The following RGS7 variants were observed in gnomAD, a reference collection of about 807,000 sequenced individuals.
RGS7 encodes regulator of G protein signaling 7, also known as regulator of G-protein signaling 7.
A neutral mutation model predicts 81.1 loss-of-function variants in RGS7; 27 were observed. That is an observed-to-expected ratio of 0.33 (90% CI 0.25 to 0.46). RGS7 has a LOEUF of 0.46. RGS7 is among the 20% of genes least tolerant of loss of function. RGS7 has a pLI of 1.00. For synonymous variants in RGS7, 208 were observed against 207.7 expected (o/e 1.00, Z -0.01); for missense variants, 396 against 607.4 (o/e 0.65, Z 3.66).
chr1:240,899,154 C>T (rs1452888946), intron 6 of RGS7, among the ~76,000 whole-genome samples: 1 of 152,028 alleles, frequency 6.6e-6, no homozygotes, highest in Non-Finnish European at 1.5e-5. Context: ...TCCTCCATCC[C>T]TTTATTTTGA....
intron 2 of RGS7, among the ~76,000 whole-genome samples, chr1:241,152,151 A>C (rs1363328213): frequency 6.6e-6 from 1 of 152,138 alleles, no homozygotes; most frequent in East Asian, 1.9e-4. Flanking sequence ...AAAAAAAAAA[A>C]AAAAGATCTT....
intron 4 of RGS7, among the ~76,000 whole-genome samples, chr1:240,947,812 T>C (rs548896795): frequency 6.6e-6 from 1 of 152,356 alleles, no homozygotes; most frequent in Non-Finnish European, 1.5e-5. Flanking sequence ...TTCCTTGTCA[T>C]AGGCTTTACA....
chr1:241,098,211 G>A (rs968157453), intron 3 of RGS7, among the ~76,000 whole-genome samples: 3 of 152,240 alleles, frequency 2.0e-5, no homozygotes, highest in South Asian at 2.1e-4. Context: ...GGTCACTGTC[G>A]AGTTCGGTGA....
intron 2 of RGS7, among the ~76,000 whole-genome samples, chr1:241,272,339 T>C (rs1229429126): frequency 6.6e-6 from 1 of 152,092 alleles, no homozygotes; most frequent in East Asian, 1.9e-4. Flanking sequence ...TCACATATGA[T>C]CTCACTCCTG....
Position 240,815,838 on chromosome 1 carries a change from A to G in RGS7, c.783+479T>C, listed in dbSNP as rs1690712097. ...GTGTATAGCATGACTCCATGGCTGT[A>G]CGCCAGTGGTGATAAGAAAAAACTT... On this transcript the variant is annotated intron_variant, in intron 11 of 18. Coordinates refer to ENST00000440928, the MANE Select transcript of RGS7 (RefSeq NM_001364886.1). Among the ~76,000 whole-genome samples the G allele has an allele frequency of 3.9e-5, 6 of 152,234 alleles. No individual in the cohort carries two copies. The South Asian group carries it at 1.2e-3, about 31-fold the overall frequency.
intron 3 of RGS7, among the ~76,000 whole-genome samples, chr1:240,991,276 G>T (rs1445722193): frequency 6.6e-6 from 1 of 152,136 alleles, no homozygotes; most frequent in Non-Finnish European, 1.5e-5. Flanking sequence ...CGCAAAGCAG[G>T]CATTTTGTCT....
At chr1:241,268,127 A>T (rs539434586) in intron 2 of RGS7, among the ~76,000 whole-genome samples, 1 of 152,334 alleles carries the variant, frequency 6.6e-6, no homozygotes, top group East Asian at 1.9e-4. Flanking sequence ...TTATTGGGAC[A>T]CACCCAAAGT....
chr1:241,355,807 A>G lies in RGS7; in HGVS notation c.-31T>C. On this transcript the variant is annotated 5_prime_UTR_variant, in exon 2 of 19. Coordinates refer to ENST00000440928, the MANE Select transcript of RGS7 (RefSeq NM_001364886.1). Reference sequence around the variant, plus strand: ...CCAAAACTTGGTCCACTCTCAAGATACAAGAATTATCAGTGTGCCCTGCAA... The same window carrying G: ...CCAAAACTTGGTCCACTCTCAAGATGCAAGAATTATCAGTGTGCCCTGCAA... The G allele has an allele frequency of 6.3e-7, 1 of 1,584,062 alleles. No homozygotes were observed.
chr1:241,017,811 G>A (rs927989045), intron 3 of RGS7, among the ~76,000 whole-genome samples: 5 of 152,048 alleles, frequency 3.3e-5, no homozygotes, highest in African/African-American at 1.2e-4. Context: ...TTGTTTTGCT[G>A]TTAATCCTAT....
chr1:241,235,824 C>G (rs1366400935), intron 2 of RGS7, among the ~76,000 whole-genome samples: 5 of 151,388 alleles, frequency 3.3e-5, no homozygotes, highest in Non-Finnish European at 7.4e-5. Context: ...TGATGAGAAG[C>G]CTAGGCACCA....
intron 2 of RGS7, among the ~76,000 whole-genome samples, chr1:241,292,585 A>G (rs10737857): frequency 0.7 from 106,672 of 152,072 alleles, 37,881 homozygotes; most frequent in East Asian, 0.85. Context: ...AGGATCTCAT[A>G]AATCCAACAG....
intron 2 of RGS7, among the ~76,000 whole-genome samples, chr1:241,321,364 C>A (rs1355235847): frequency 6.6e-6 from 1 of 151,994 alleles, no homozygotes; most frequent in Non-Finnish European, 1.5e-5. Context: ...TTTTTTTATC[C>A]TCACAGCTTT....
chr1:241,151,499 C>T (rs148375904), intron 2 of RGS7, among the ~76,000 whole-genome samples: 5 of 151,426 alleles, frequency 3.3e-5, no homozygotes, highest in African/African-American at 7.3e-5. Context: ...AGGAGAAACA[C>T]TCAACTCTGT....
intron 11 of RGS7, 50 bp from the exon 12 acceptor site, chr1:240,814,827 AT>A: frequency 8.9e-7 from 1 of 1,125,648 alleles, no homozygotes; most frequent in Non-Finnish European, 1.4e-6. Flanking sequence ...CATTTTCACA[AT>A]TTTCCACTCT....
chr1:241,138,891 A>G (rs1443021285), intron 2 of RGS7, among the ~76,000 whole-genome samples: 1 of 152,182 alleles, frequency 6.6e-6, no homozygotes, highest in Non-Finnish European at 1.5e-5. Flanking sequence ...CATTAAGCAA[A>G]TCACAAACTC....
intron 4 of RGS7, among the ~76,000 whole-genome samples, chr1:240,948,989 T>C (rs1679110418): frequency 6.6e-6 from 1 of 152,118 alleles, no homozygotes. Context: ...TTAATTTGAC[T>C]TAACTGGAGT....
intron 2 of RGS7, among the ~76,000 whole-genome samples, chr1:241,236,599 C>A (rs1268013513): frequency 6.6e-6 from 1 of 152,154 alleles, no homozygotes. Context: ...GCCTCGAAAC[C>A]ACAAGCTAAG....
At chr1:241,139,389 AC>A (rs1445428875) in intron 2 of RGS7, among the ~76,000 whole-genome samples, 1 of 151,872 alleles carries the variant, frequency 6.6e-6, no homozygotes, top group Admixed American at 6.6e-5. Flanking sequence ...TTATCCATTT[AC>A]CAGTTGTGAC....
At chr1:241,130,282 C>T (rs574474768) in intron 2 of RGS7, among the ~76,000 whole-genome samples, 2 of 151,986 alleles carry the variant, frequency 1.3e-5, no homozygotes, top group South Asian at 4.1e-4. Flanking sequence ...ACCAGATGTT[C>T]CTTTAATTTT....
Sources: allele counts gnomAD v4.1 joint callset (sites outside exome capture counted in the v4.1 genomes callset), GRCh38; gene constraint gnomAD v4.1.1; transcripts MANE v1.5; gene names NCBI Gene and HGNC (gene_info 2026-07-23, HGNC 2026-07-21).